Variants in ZAR1L observed in about 807,000 individuals in gnomAD.
ZAR1L encodes zygote arrest 1 like.
In ZAR1L, 16 loss-of-function variants were observed where a neutral mutation model predicts 30.0. The ratio of observed to expected loss-of-function variants is 0.53; its 90% CI spans 0.36 to 0.81. The LOEUF (loss-of-function observed/expected upper bound fraction) is 0.81. ZAR1L is among the 30% of genes least tolerant of loss of function. The pLI is 0.00. For synonymous variants in ZAR1L, 197 were observed against 166.8 expected, an observed-to-expected ratio of 1.18 and a Z score of -1.40; for missense variants, 392 against 417.2, an observed-to-expected ratio of 0.94 and a Z score of 0.53.
intron 4 of ZAR1L, 128 bp from the exon 5 acceptor site, chr13:32,308,888 T>C (rs1241950889): frequency 9.3e-6 from 6 of 642,112 alleles, no homozygotes; most frequent in Non-Finnish European, 1.1e-5. Context: ...TTGCCTTTTA[T>C]CTTGCTTTTA....
At chr13:32,306,636 A>G (rs552768490) in intron 5 of ZAR1L, among the ~76,000 whole-genome samples, 40 of 152,366 alleles carry the variant, frequency 2.6e-4, no homozygotes, top group African/African-American at 9.4e-4. Flanking sequence ...ATATCTCTTA[A>G]AAAGATATCC....
intron 2 of ZAR1L, among the ~76,000 whole-genome samples, chr13:32,313,201 A>T (rs1566212547): frequency 6.6e-6 from 1 of 152,236 alleles, no homozygotes; most frequent in Non-Finnish European, 1.5e-5. Flanking sequence ...AAAAGTTTCA[A>T]AGAGAAATTT....
chr13:32,304,562 G>T (rs2072160448), intron 5 of ZAR1L, among the ~76,000 whole-genome samples: 1 of 152,168 alleles, frequency 6.6e-6, no homozygotes. Flanking sequence ...TATATTTTGG[G>T]TTGTTAAAAC....
Position 32,311,490 on chromosome 13 carries a change from G to T in ZAR1L, c.436C>A (p.Arg146=), listed in dbSNP as rs866012316. The change falls in exon 3 of 6, where the codon CGG becomes AGG. Residue 146 remains arginine (R), a synonymous_variant. Coordinates refer to ENST00000533490, the MANE Select transcript of ZAR1L (RefSeq NM_001136571.2). ...ATGRRGLIRL[R]RDGDEAESKA... ...CTCTCCGCTTCGTCCCCATCTCTCC[G>T]CAGGCGGATCAAGCCCCTGCGGCCG... 10 of 1,545,026 alleles carry T rather than the reference G, an allele frequency of 6.5e-6. No homozygotes were observed. Among genetic ancestry groups the T allele is most frequent in the Non-Finnish European group, 8.7e-6 (10 of 1,146,078 alleles).
intron 2 of ZAR1L, among the ~76,000 whole-genome samples, chr13:32,312,592 T>C (rs1040944913): frequency 6.6e-6 from 1 of 152,148 alleles, no homozygotes; most frequent in Non-Finnish European, 1.5e-5. Context: ...AAACAGGAGA[T>C]CCTGGCCAGG....
chr13:32,305,954 C>T (rs547992017), intron 5 of ZAR1L, among the ~76,000 whole-genome samples: 1 of 152,318 alleles, frequency 6.6e-6, no homozygotes, highest in African/African-American at 2.4e-5. Context: ...AATAGACTCA[C>T]AGGGTATTGA....
In ZAR1L at chr13:32,311,475, C is replaced by T. The variant is rs977237682; in HGVS notation, c.451G>A (p.Glu151Lys). Residue 151 changes from glutamate (E) to lysine (K), a missense_variant, in exon 3 of 6, where the codon GAA becomes AAA. By Grantham distance (56) the Glu-to-Lys change is moderately conservative (BLOSUM62 1). Coordinates refer to ENST00000533490, the MANE Select transcript of ZAR1L (RefSeq NM_001136571.2). ...GLIRLRRDGD[E>K]AESKALPGPA... is the part of the protein sequence containing the mutation. ...CCCGGGAGCGCCTTGCTCTCCGCTTCGTCCCCATCTCTCCGCAGGCGGATC... is the reference window on the plus strand; with the variant it reads ...CCCGGGAGCGCCTTGCTCTCCGCTTTGTCCCCATCTCTCCGCAGGCGGATC... 2.5e-5 allele frequency: 39 copies of T among 1,546,248 alleles called. No individual in the cohort carries two copies. The highest frequency in any genetic ancestry group is 1.7e-4 in the Middle Eastern group (1 of 5,976).
intron 5 of ZAR1L, among the ~76,000 whole-genome samples, chr13:32,304,931 T>G (rs2072163060): frequency 6.6e-6 from 1 of 151,682 alleles, no homozygotes; most frequent in African/African-American, 2.4e-5. Context: ...TGCCTCAGCT[T>G]CCTGAGTAGC....
At position 32,308,658 on chromosome 13, in the gene ZAR1L, A is replaced by G. The variant is rs1044904052; in HGVS notation, c.822+28T>C. 44 of 1,511,652 alleles carry G rather than the reference A, an allele frequency of 2.9e-5. No homozygotes were observed. The African/African-American group carries it at 4.9e-4, about 17-fold the overall frequency. The allele number at this position is 1,511,652 out of a possible 1,614,324, so 93.6% of individuals were successfully genotyped here. ...GCTTCATTTTAGTAATGAAACATAG[A>G]CACAATGGAAGTGTTCCATATGCTC... On this transcript the variant is annotated intron_variant, in intron 5 of 5. Transcript: ENST00000533490.
intron 5 of ZAR1L, among the ~76,000 whole-genome samples, chr13:32,307,798 T>G (rs922190003): frequency 6.6e-6 from 1 of 152,006 alleles, no homozygotes; most frequent in African/African-American, 2.4e-5. Context: ...AAATGTCAAT[T>G]AATTTATTAA....
In ZAR1L at chr13:32,311,306, G is replaced by C; in HGVS notation, c.620C>G (p.Ala207Gly). 6.5e-7 allele frequency: 1 copy of C among 1,549,792 alleles called. No individual in the cohort carries two copies. The highest frequency in any genetic ancestry group is 8.7e-7 in the Non-Finnish European group (1 of 1,146,576). ...GGGCCTCCGGAGCGGCTCGGAGGCG[G>C]CGTCTCCAGGCACCTGCTTGCTCTT... ...ETKSKQVPGD[A>G]ASEPLRRPNF... The change falls in exon 3 of 6, where the codon GCC (alanine) becomes GGC (glycine). Residue 207 changes from alanine to glycine, a missense_variant. By Grantham distance (60) the Ala-to-Gly change is moderately conservative. Transcript: ENST00000533490.
At chr13:32,312,836 C>T (rs1400444758) in intron 2 of ZAR1L, among the ~76,000 whole-genome samples, 1 of 152,134 alleles carries the variant, frequency 6.6e-6, no homozygotes, top group Non-Finnish European at 1.5e-5. Flanking sequence ...TGAGATCACA[C>T]TACTGCACTC....
intron 4 of ZAR1L, among the ~76,000 whole-genome samples, chr13:32,310,082 C>A (rs1055341749): frequency 1.3e-5 from 2 of 152,232 alleles, no homozygotes; most frequent in Admixed American, 1.3e-4. Context: ...TTAGGGGCAG[C>A]CTGCTGTTCT....
Position 32,311,975 on chromosome 13 carries a change from G to A in ZAR1L, c.-50C>T, listed in dbSNP as rs779506896. The A allele has an allele frequency of 8.1e-6, 12 of 1,474,292 alleles. No homozygotes were observed. The highest frequency in any genetic ancestry group is 9.9e-6 in the Non-Finnish European group (11 of 1,108,858). The allele number at this position is 1,474,292 out of a possible 1,614,324, so 91.3% of individuals were successfully genotyped here. A position where few individuals can be genotyped will look rare whatever the true frequency, so the allele number is the denominator to read the frequency against. ...TCTAATATCCTAGCCAGTTTGTTTG[G>A]GTCCTTATTTTGCCTTCCTCCTTCA... On this transcript the variant is annotated 5_prime_UTR_variant, in exon 3 of 6. Transcript: ENST00000533490.
chr13:32,311,537 C>G lies in ZAR1L; in HGVS notation c.389G>C (p.Cys130Ser), dbSNP rs906610267. Residue 130 changes from cysteine (C) to serine (S), a missense_variant, in exon 3 of 6, where the codon TGT becomes TCT. Cys to Ser is a moderately radical substitution (Grantham distance 112). Coordinates refer to ENST00000533490, the MANE Select transcript of ZAR1L (RefSeq NM_001136571.2). ...GCCGGTGGCGGGCGAAGTGACCCCA[C>G]AGGCTGGCAGGGGCTCCTGGGGGTC... ...GRDPQEPLPA[C>S]GVTSPATGRR... The G allele has an allele frequency of 2.0e-6, 3 of 1,534,380 alleles. No individual in the cohort carries two copies. Among genetic ancestry groups the G allele is most frequent in the Non-Finnish European group, 2.6e-6 (3 of 1,139,774 alleles).
chr13:32,312,956 T>C (rs975855246), intron 2 of ZAR1L, among the ~76,000 whole-genome samples: 1 of 152,186 alleles, frequency 6.6e-6, no homozygotes, highest in Non-Finnish European at 1.5e-5. Context: ...AACATTATGC[T>C]AAGTGAAATA....
intron 3 of ZAR1L, 97 bp downstream of exon 3, chr13:32,311,175 A>T: frequency 1.5e-6 from 2 of 1,314,762 alleles, no homozygotes; most frequent in Admixed American, 5.6e-5. Context: ...ACATGGAAGA[A>T]GAGAGAGAAG....
Position 32,311,683 on chromosome 13 carries a change from C to A in ZAR1L, c.243G>T (p.Pro81=), listed in dbSNP as rs1183230426. The A allele has an allele frequency of 6.4e-7, 1 of 1,551,490 alleles. No homozygotes were observed. The highest frequency in any genetic ancestry group is 8.7e-7 in the Non-Finnish European group (1 of 1,147,004). The change falls in exon 3 of 6, where the codon CCG becomes CCT. Residue 81 remains proline (P), a synonymous_variant. Transcript: ENST00000533490. ...CCTTGGTGTTGGGCTTGCACAGCCGCGGGCTCAGGCTGGGGTTCATCTGGG... is the reference window on the plus strand; with the variant it reads ...CCTTGGTGTTGGGCTTGCACAGCCGAGGGCTCAGGCTGGGGTTCATCTGGG... ...ILSQMNPSLS[P]RLCKPNTKEV...
rs1468893335 is a variant in ZAR1L at position 32,310,666 on chromosome 13, G to A, written c.720C>T (p.Tyr240=). Residue 240 remains tyrosine, a synonymous_variant, in exon 4 of 6, where the codon TAC becomes TAT. Transcript: ENST00000533490. ...KDCKTRWESA[Y]VWCISGTNKV... is the part of the protein sequence containing the mutation. ...TGTTCGTTCCAGAAATGCACCACAC[G>A]TAAGCACTCTCCCACCTGGTCTTAC... 1 of 1,551,516 alleles carries A rather than the reference G, an allele frequency of 6.4e-7. No homozygotes were observed. Among genetic ancestry groups the A allele is most frequent in the Non-Finnish European group, 8.7e-7 (1 of 1,146,764 alleles).
Sources: gnomAD v4.1 joint callset for allele counts (sites outside exome capture counted in the v4.1 genomes callset) on GRCh38, gnomAD v4.1.1 for gene constraint, MANE v1.5 for transcripts, NCBI Gene and HGNC (gene_info 2026-07-23, HGNC 2026-07-21) for gene names.